The following PRKG1 variants were observed in gnomAD, a reference collection of about 807,000 sequenced individuals.
The protein encoded by PRKG1 is cGMP-dependent protein kinase 1.
PRKG1 carries 35 observed loss-of-function variants against 88.1 expected under a neutral mutation model. The ratio of observed to expected loss-of-function variants is 0.40; its 90% CI spans 0.30 to 0.53. PRKG1 has a LOEUF of 0.53. Among genes scored for constraint, PRKG1 ranks in the 20% least tolerant of loss-of-function variants. The pLI, the probability that PRKG1 is intolerant of heterozygous loss-of-function variation, is 0.59. For missense variants in PRKG1, 540 were observed against 839.8 expected (o/e 0.64, Z 4.41); for synonymous variants, 303 against 292.5 (o/e 1.04, Z -0.37).
intron 5 of PRKG1, among the ~76,000 whole-genome samples, chr10:51,975,024 A>G (rs1450636268): frequency 1.3e-5 from 2 of 152,106 alleles, no homozygotes; most frequent in Non-Finnish European, 2.9e-5. Context: ...TTTTACTGGT[A>G]TATCTGGTAG....
intron 3 of PRKG1, among the ~76,000 whole-genome samples, chr10:51,519,759 A>C (rs1259858270): frequency 6.6e-6 from 1 of 152,164 alleles, no homozygotes; most frequent in African/African-American, 2.4e-5. Flanking sequence ...CCAGCTATTC[A>C]AAAATAACTC....
At chr10:51,304,145 A>G (rs543426145) in intron 2 of PRKG1, among the ~76,000 whole-genome samples, 55 of 152,142 alleles carry the variant, frequency 3.6e-4, no homozygotes, top group Non-Finnish European at 5.9e-4. Context: ...ATTGTAAATG[A>G]TCATTGGGTT....
rs1239435104 is a variant in PRKG1, at chr10:52,257,932, A to G, written c.1173+6266A>G. Among the ~76,000 whole-genome samples, 2 of 139,384 alleles carry G rather than the reference A, an allele frequency of 1.4e-5. 1 individual carries two copies. Among genetic ancestry groups the G allele is most frequent in the Non-Finnish European group, 3.2e-5 (2 of 61,824 alleles). The allele number at this position is 139,384 out of a possible 152,430, so 91.4% of individuals were successfully genotyped here. On this transcript the variant is annotated intron_variant, in intron 10 of 17. Coordinates refer to ENST00000373980, the MANE Select transcript of PRKG1 (RefSeq NM_006258.4). Reference sequence around the variant, plus strand: ...CAGTTTCAATGCAGAAATTACAAGTAGTAAAGCTTATCTCTACTTTGGTAT... The same window carrying G: ...CAGTTTCAATGCAGAAATTACAAGTGGTAAAGCTTATCTCTACTTTGGTAT...
At chr10:51,034,665 TA>T (rs1448901868) in intron 1 of PRKG1, among the ~76,000 whole-genome samples, 2 of 25,754 alleles carry the variant, frequency 7.8e-5, no homozygotes, top group African/African-American at 3.9e-4. Flanking sequence ...TATAATATGT[TA>T]TTTATATATA....
At chr10:51,982,737 G>A (rs544747726) in intron 5 of PRKG1, among the ~76,000 whole-genome samples, 1 of 152,264 alleles carries the variant, frequency 6.6e-6, no homozygotes, top group East Asian at 1.9e-4. Context: ...AATGGGTAGT[G>A]TCAGCAAAAG....
intron 3 of PRKG1, among the ~76,000 whole-genome samples, chr10:51,544,363 C>T (rs559961808): frequency 1.5e-4 from 23 of 152,062 alleles, no homozygotes; most frequent in East Asian, 1.2e-3. Flanking sequence ...GCTTCATCCA[C>T]GTCCCTACAA....
intron 5 of PRKG1, among the ~76,000 whole-genome samples, chr10:51,978,360 G>T (rs1843902481): frequency 6.6e-6 from 1 of 150,496 alleles, no homozygotes. Context: ...TAGCCCTGTA[G>T]TATAGTTTGA....
chr10:51,350,052 T>C (rs966768802), intron 2 of PRKG1, among the ~76,000 whole-genome samples: 7 of 152,202 alleles, frequency 4.6e-5, no homozygotes, highest in East Asian at 1.9e-4. Flanking sequence ...ATAATAACCA[T>C]AAATCATTTT....
At chr10:51,244,642 T>A (rs1040908290) in intron 2 of PRKG1, among the ~76,000 whole-genome samples, 6 of 152,104 alleles carry the variant, frequency 3.9e-5, no homozygotes, top group Non-Finnish European at 8.8e-5. Context: ...CTTTTAAACT[T>A]ATGTATTTTC....
chr10:51,670,715 G>A (rs1022420170), intron 3 of PRKG1, among the ~76,000 whole-genome samples: 1 of 146,102 alleles, frequency 6.8e-6, no homozygotes, highest in African/African-American at 2.5e-5. Context: ...CAGCCTGGGC[G>A]ACAGAGCGAG....
intron 3 of PRKG1, among the ~76,000 whole-genome samples, chr10:51,746,372 C>T (rs1328773677): frequency 6.6e-6 from 1 of 152,018 alleles, no homozygotes; most frequent in Non-Finnish European, 1.5e-5. Context: ...GCCATTCTCA[C>T]CTCTATCTTA....
chr10:51,464,023 A>G (rs1039093624), intron 2 of PRKG1, among the ~76,000 whole-genome samples: 2 of 151,884 alleles, frequency 1.3e-5, no homozygotes, highest in Admixed American at 6.6e-5. Flanking sequence ...TGTAATCCCA[A>G]CACTTTGGGA....
At chr10:51,266,721 A>G (rs919532265) in intron 2 of PRKG1, among the ~76,000 whole-genome samples, 5 of 152,232 alleles carry the variant, frequency 3.3e-5, no homozygotes, top group Non-Finnish European at 7.4e-5. Flanking sequence ...AGGTCAATGC[A>G]TAAAGCTGAA....
At chr10:51,741,517 C>A (rs1837433046) in intron 3 of PRKG1, among the ~76,000 whole-genome samples, 1 of 151,694 alleles carries the variant, frequency 6.6e-6, no homozygotes, top group South Asian at 2.1e-4. Context: ...GGAACAATAC[C>A]CATGAAGATG....
rs76761884 is a variant in PRKG1 at position 51,879,620 on chromosome 10, A to G, written c.699-27887A>G. On this transcript the variant is annotated intron_variant, in intron 4 of 17. Transcript: ENST00000373980. ...GCAACCCAACTGAGCTGTTAGAGCTATGTGTCCATGACTTTAAACCTGCCT... is the reference window on the plus strand; with the variant it reads ...GCAACCCAACTGAGCTGTTAGAGCTGTGTGTCCATGACTTTAAACCTGCCT... 5.9e-5 allele frequency among the ~76,000 whole-genome samples: 9 copies of G among 152,302 alleles called. No individual in the cohort carries two copies. The East Asian group carries it at 1.7e-3, about 29-fold the overall frequency.
chr10:51,710,574 T>C (rs1267981912), intron 3 of PRKG1, among the ~76,000 whole-genome samples: 2 of 152,230 alleles, frequency 1.3e-5, no homozygotes, highest in Non-Finnish European at 2.9e-5. Flanking sequence ...ATTGATTCAT[T>C]GAGCAGCTAA....
At chr10:51,878,227 T>C (rs1370888700) in intron 4 of PRKG1, among the ~76,000 whole-genome samples, 5 of 131,722 alleles carry the variant, frequency 3.8e-5, no homozygotes, top group African/African-American at 1.5e-4. Flanking sequence ...TGTGTGTGCA[T>C]GTATGTATAT....
intron 9 of PRKG1, among the ~76,000 whole-genome samples, chr10:52,231,843 A>G (rs925749129): frequency 6.6e-6 from 1 of 152,226 alleles, no homozygotes; most frequent in South Asian, 2.1e-4. Context: ...ATTAACAATA[A>G]CATTTATGAA....
intron 2 of PRKG1, among the ~76,000 whole-genome samples, chr10:51,198,740 G>T (rs2132052402): frequency 6.6e-6 from 1 of 152,228 alleles, no homozygotes; most frequent in East Asian, 1.9e-4. Flanking sequence ...TTAGCTATTT[G>T]ACAAGACTAT....
Sources: allele counts gnomAD v4.1 joint callset (sites outside exome capture counted in the v4.1 genomes callset), GRCh38; gene constraint gnomAD v4.1.1; transcripts MANE v1.5; gene names NCBI Gene and HGNC (gene_info 2026-07-23, HGNC 2026-07-21).